The following AUTS2 variants were observed in gnomAD, a reference collection of about 807,000 sequenced individuals.
AUTS2 encodes activator of transcription and developmental regulator AUTS2.
AUTS2 carries 17 observed loss-of-function variants against 112.4 expected under a neutral mutation model. The ratio of observed to expected loss-of-function variants is 0.15; its 90% CI spans 0.10 to 0.23. The LOEUF (loss-of-function observed/expected upper bound fraction) is 0.23. Among genes scored for constraint, AUTS2 ranks in the 10% least tolerant of loss-of-function variants. The probability of loss-of-function intolerance (pLI) is 1.00; values close to 1 mark genes in which losing one functional copy is unlikely to be tolerated. For synonymous variants in AUTS2, 751 were observed against 702.7 expected (o/e 1.07, Z -1.09); for missense variants, 1,510 against 1,701.6 (o/e 0.89, Z 1.98).
intron 12 of AUTS2, chr7:70,774,350 A>G (rs1790553551): frequency 4.0e-6 from 2 of 498,760 alleles, no homozygotes; most frequent in Non-Finnish European, 7.1e-6. Context: ...GTCTGAGCCC[A>G]GAAATTGGAC....
intron 5 of AUTS2, among the ~76,000 whole-genome samples, chr7:70,561,023 T>C (rs1235602518): frequency 6.6e-6 from 1 of 152,216 alleles, no homozygotes; most frequent in Non-Finnish European, 1.5e-5. Context: ...TTTTAAAAGT[T>C]TGTGTCTGTG....
intron 1 of AUTS2, among the ~76,000 whole-genome samples, chr7:69,771,025 A>G (rs1788640672): frequency 6.6e-6 from 1 of 152,222 alleles, no homozygotes; most frequent in African/African-American, 2.4e-5. Flanking sequence ...TTAGTTAAAG[A>G]AACTGTGTGT....
At chr7:70,433,242 A>G (rs1329930087) in intron 4 of AUTS2, among the ~76,000 whole-genome samples, 1 of 152,168 alleles carries the variant, frequency 6.6e-6, no homozygotes, top group African/African-American at 2.4e-5. Flanking sequence ...GTTCTTTCCC[A>G]GCTACCCCAC....
At position 69,876,611 on chromosome 7, in the gene AUTS2, A is replaced by G. The variant is rs113882070; in HGVS notation, c.310-22675A>G. 1.5e-3 allele frequency among the ~76,000 whole-genome samples: 218 copies of G among 141,298 alleles called. 4 individuals carry two copies. Among genetic ancestry groups the G allele is most frequent in the African/African-American group, 5.5e-3 (207 of 37,954 alleles). 92.7% of individuals were successfully genotyped at this position (141,298 alleles called of 152,430 possible). A position where few individuals can be genotyped will look rare whatever the true frequency, so the allele number is the denominator to read the frequency against. On this transcript the variant is annotated intron_variant, in intron 1 of 18. Coordinates refer to ENST00000342771, the MANE Select transcript of AUTS2 (RefSeq NM_015570.4). ...AGGACCAGACTTGGTGCTGTGGGAT[A>G]TTTGATAGGTGTGAGACAGTCTTTT...
intron 1 of AUTS2, among the ~76,000 whole-genome samples, chr7:69,861,284 A>G (rs1368004712): frequency 6.6e-6 from 1 of 152,190 alleles, no homozygotes; most frequent in Admixed American, 6.5e-5. Flanking sequence ...CTCCTAGTGC[A>G]GGGATTAACA....
At chr7:70,047,429 AT>A (rs1306951068) in intron 2 of AUTS2, among the ~76,000 whole-genome samples, 1 of 152,144 alleles carries the variant, frequency 6.6e-6, no homozygotes, top group Non-Finnish European at 1.5e-5. Flanking sequence ...CACTTTCCCT[AT>A]TTTTTATGTT....
rs189437531 is a variant in AUTS2 at position 70,473,291 on chromosome 7, A to C, written c.690+37510A>C. ...TTTATGAATTTCAGCATGTAACCAG[A>C]GTAAACGTTAGCCTGTTTTAAATAA... On this transcript the variant is annotated intron_variant, in intron 5 of 18. Coordinates refer to ENST00000342771, the MANE Select transcript of AUTS2 (RefSeq NM_015570.4). Among the ~76,000 whole-genome samples, 12 of 152,376 alleles carry C rather than the reference A, an allele frequency of 7.9e-5. 1 individual carries two copies. Among genetic ancestry groups the C allele is most frequent in the Admixed American group, 7.8e-4 (12 of 15,312 alleles).
At chr7:70,057,400 A>G (rs1443508561) in intron 2 of AUTS2, among the ~76,000 whole-genome samples, 1 of 152,134 alleles carries the variant, frequency 6.6e-6, no homozygotes, top group Admixed American at 6.5e-5. Context: ...CTGGTATTTG[A>G]GTCTCGGATA....
intron 4 of AUTS2, among the ~76,000 whole-genome samples, chr7:70,138,463 T>A (rs1465309976): frequency 6.6e-6 from 1 of 152,204 alleles, no homozygotes; most frequent in Non-Finnish European, 1.5e-5. Flanking sequence ...ACAGCCTTAC[T>A]TTTTTCCAAG....
chr7:69,626,907 A>G (rs1793978986), intron 1 of AUTS2, among the ~76,000 whole-genome samples: 1 of 152,232 alleles, frequency 6.6e-6, no homozygotes, highest in Non-Finnish European at 1.5e-5. Flanking sequence ...TTAGTAATTA[A>G]TGAAATGTAT....
At chr7:69,659,651 C>G (rs974598293) in intron 1 of AUTS2, among the ~76,000 whole-genome samples, 3 of 136,278 alleles carry the variant, frequency 2.2e-5, no homozygotes, top group Non-Finnish European at 3.1e-5. Context: ...TTGGCTTTCC[C>G]GAAGTTTTAC....
intron 1 of AUTS2, among the ~76,000 whole-genome samples, chr7:69,671,323 CT>C (rs1174912211): frequency 1.3e-5 from 2 of 152,162 alleles, no homozygotes; most frequent in Non-Finnish European, 2.9e-5. Context: ...TCTGTTCCGT[CT>C]TCTGTAGAAT....
chr7:70,439,082 C>T (rs1796014703), intron 5 of AUTS2, among the ~76,000 whole-genome samples: 1 of 152,156 alleles, frequency 6.6e-6, no homozygotes, highest in Non-Finnish European at 1.5e-5. Context: ...GAAGTGACTC[C>T]GAAAGGGGCT....
At chr7:70,730,271 C>T (rs1787305070) in intron 6 of AUTS2, among the ~76,000 whole-genome samples, 1 of 151,998 alleles carries the variant, frequency 6.6e-6, no homozygotes, top group Non-Finnish European at 1.5e-5. Context: ...TTAGACTTCA[C>T]AGACCATGAA....
intron 5 of AUTS2, among the ~76,000 whole-genome samples, chr7:70,443,562 G>A (rs1159579891): frequency 2.0e-5 from 3 of 152,134 alleles, no homozygotes; most frequent in Non-Finnish European, 4.4e-5. Flanking sequence ...CCATTCTTTC[G>A]TCTCTCTCAG....
At chr7:70,578,623 C>T (rs1802283603) in intron 5 of AUTS2, among the ~76,000 whole-genome samples, 1 of 152,200 alleles carries the variant, frequency 6.6e-6, no homozygotes, top group African/African-American at 2.4e-5. Flanking sequence ...AAGTGAAATA[C>T]AAAACCAAGA....
chr7:70,584,265 G>C (rs1563057224), intron 5 of AUTS2, among the ~76,000 whole-genome samples: 1 of 152,144 alleles, frequency 6.6e-6, no homozygotes, highest in Admixed American at 6.6e-5. Flanking sequence ...GTCTTTCCCA[G>C]GGTGAAATCT....
intron 5 of AUTS2, among the ~76,000 whole-genome samples, chr7:70,514,513 C>T (rs1054562365): frequency 1.3e-5 from 2 of 152,236 alleles, no homozygotes; most frequent in Non-Finnish European, 2.9e-5. Context: ...TTTGGAACAG[C>T]CAGCTCCTGT....
intron 5 of AUTS2, among the ~76,000 whole-genome samples, chr7:70,673,304 G>A (rs1320365858): frequency 6.6e-6 from 1 of 152,138 alleles, no homozygotes; most frequent in African/African-American, 2.4e-5. Context: ...TAGTATTGGT[G>A]AAACTCTAGT....
Sources: gnomAD v4.1 joint callset for allele counts (sites outside exome capture counted in the v4.1 genomes callset) on GRCh38, gnomAD v4.1.1 for gene constraint, MANE v1.5 for transcripts, NCBI Gene and HGNC (gene_info 2026-07-23, HGNC 2026-07-21) for gene names.